ADAMTS6: variants seen among roughly 807,000 people sequenced by gnomAD.
ADAMTS6 encodes ADAM metallopeptidase with thrombospondin type 1 motif 6, also known as A disintegrin and metalloproteinase with thrombospondin motifs 6.
A neutral mutation model predicts 144.3 loss-of-function variants in ADAMTS6; 23 were observed. The ratio of observed to expected loss-of-function variants is 0.16; its 90% confidence interval spans 0.11 to 0.23. ADAMTS6 has a LOEUF of 0.23. Ranked by LOEUF, ADAMTS6 falls within the 10% of genes least tolerant of loss-of-function variation. ADAMTS6 has a pLI of 1.00. For missense variants in ADAMTS6, 999 were observed against 1,379.6 expected (o/e 0.72, Z 4.37); for synonymous variants, 444 against 457.5 (o/e 0.97, Z 0.38).
At chr5:65,344,988 C>T (rs1415578301) in intron 7 of ADAMTS6, among the ~76,000 whole-genome samples, 1 of 151,794 alleles carries the variant, frequency 6.6e-6, no homozygotes, top group East Asian at 1.9e-4. Context: ...ATTTTTCTTA[C>T]ATATCTCTCA....
chr5:65,212,101 G>C (rs976515858), intron 20 of ADAMTS6, among the ~76,000 whole-genome samples: 1 of 152,188 alleles, frequency 6.6e-6, no homozygotes, highest in Non-Finnish European at 1.5e-5. Flanking sequence ...CGCCCCACTC[G>C]AAGAGTTTCT....
chr5:65,191,094 G>A (rs1031608687), intron 21 of ADAMTS6, among the ~76,000 whole-genome samples: 2 of 152,090 alleles, frequency 1.3e-5, no homozygotes, highest in East Asian at 1.9e-4. Context: ...TTGCCGAATC[G>A]TTATAGCTGG....
intron 7 of ADAMTS6, among the ~76,000 whole-genome samples, chr5:65,412,896 T>C (rs528910234): frequency 6.6e-6 from 1 of 152,314 alleles, no homozygotes; most frequent in South Asian, 2.1e-4. Context: ...AAAATGTTAA[T>C]ATTACTTTAC....
chr5:65,330,895 T>A (rs1163030042), intron 8 of ADAMTS6, among the ~76,000 whole-genome samples: 1 of 152,046 alleles, frequency 6.6e-6, no homozygotes, highest in Non-Finnish European at 1.5e-5. Context: ...GCAGGATAAC[T>A]TATTTTTTTG....
intron 12 of ADAMTS6, among the ~76,000 whole-genome samples, chr5:65,271,367 T>C (rs1762038137): frequency 7.8e-6 from 1 of 127,406 alleles, no homozygotes; most frequent in Admixed American, 8.6e-5. Context: ...GACAGAGCTA[T>C]ACTCCGTCTA....
chr5:65,273,417 T>G lies in ADAMTS6; in HGVS notation c.1543A>C (p.Lys515Gln). Residue 515 changes from lysine to glutamine, a missense_variant, in exon 12 of 25, where the codon AAA becomes CAA. Physicochemically the swap from Lys to Gln is moderately conservative, Grantham distance 53 (BLOSUM62 1). Coordinates refer to ENST00000381055, the MANE Select transcript of ADAMTS6 (RefSeq NM_197941.4). ...EVCRELWCLS[K>Q]SNRCVTNSIP... The stretch of plus-strand genomic sequence containing the variant: ...CTGTTGGTGACACAGCGGTTGCTTT[T>G]GCTGAGACACCAGAGCTCTCTACAC... 1 of 1,613,946 alleles carries G rather than the reference T, an allele frequency of 6.2e-7. No individual in the cohort carries two copies. The highest frequency in any genetic ancestry group is 2.2e-5 in the East Asian group (1 of 44,872).
intron 9 of ADAMTS6, among the ~76,000 whole-genome samples, chr5:65,316,807 C>G (rs1393111077): frequency 7.3e-6 from 1 of 137,426 alleles, no homozygotes; most frequent in African/African-American, 2.5e-5. Flanking sequence ...ACATAATAAT[C>G]ATTTTTTTTT....
At chr5:65,452,086 T>C (rs780767190) in intron 6 of ADAMTS6, 47 bp downstream of exon 6, 2 of 1,369,672 alleles carry the variant, frequency 1.5e-6, no homozygotes, top group South Asian at 1.4e-5. Context: ...TATAGCTCTA[T>C]AGCCTTCTGT....
Position 65,243,395 on chromosome 5 carries a change from C to T in ADAMTS6, c.1831-1189G>A, listed in dbSNP as rs1759359159. Among the ~76,000 whole-genome samples, 3 of 152,198 alleles carry T rather than the reference C, an allele frequency of 2.0e-5. 1 individual carries two copies. In the South Asian group the frequency reaches 6.2e-4, roughly 32 times the overall value. Reference sequence around the variant, plus strand: ...GCAAATATTTGCATGGTCATCATTACTTCGTATATAATACGGTTCAATTTT... The same window carrying T: ...GCAAATATTTGCATGGTCATCATTATTTCGTATATAATACGGTTCAATTTT... On this transcript the variant is annotated intron_variant, in intron 14 of 24. Coordinates refer to ENST00000381055, the MANE Select transcript of ADAMTS6 (RefSeq NM_197941.4).
intron 7 of ADAMTS6, among the ~76,000 whole-genome samples, chr5:65,341,502 T>TA (rs1178652393): frequency 6.6e-6 from 1 of 150,696 alleles, no homozygotes; most frequent in Non-Finnish European, 1.5e-5. Context: ...ATCTCAGAAA[T>TA]AAAAAAAAGT....
At chr5:65,275,608 T>C (rs1762471345) in intron 11 of ADAMTS6, among the ~76,000 whole-genome samples, 1 of 151,876 alleles carries the variant, frequency 6.6e-6, no homozygotes, top group African/African-American at 2.4e-5. Context: ...TTACTCTTTT[T>C]CTATAGAAGA....
At chr5:65,430,735 T>C (rs1421556703) in intron 7 of ADAMTS6, among the ~76,000 whole-genome samples, 2 of 152,170 alleles carry the variant, frequency 1.3e-5, no homozygotes. Context: ...TTCAGACTCT[T>C]GTAGCAAATA....
At chr5:65,453,480 C>G (rs1309001255) in intron 4 of ADAMTS6, among the ~76,000 whole-genome samples, 7 of 152,224 alleles carry the variant, frequency 4.6e-5, no homozygotes, top group African/African-American at 1.7e-4. Context: ...CAGTCTACAA[C>G]TCTTTATTCT....
chr5:65,231,034 T>C (rs562240763), intron 15 of ADAMTS6, among the ~76,000 whole-genome samples: 15 of 151,144 alleles, frequency 9.9e-5, no homozygotes, highest in Admixed American at 4.6e-4. Context: ...TAAGTAATTA[T>C]TGAAAAATAA....
At chr5:65,250,213 T>C (rs1034062929) in intron 14 of ADAMTS6, among the ~76,000 whole-genome samples, 2 of 152,198 alleles carry the variant, frequency 1.3e-5, no homozygotes, top group Non-Finnish European at 2.9e-5. Flanking sequence ...TTCTTTTAAT[T>C]GTCAAACAAC....
intron 8 of ADAMTS6, among the ~76,000 whole-genome samples, chr5:65,331,502 C>G (rs906821775): frequency 6.6e-6 from 1 of 152,030 alleles, no homozygotes; most frequent in Non-Finnish European, 1.5e-5. Flanking sequence ...TAAATCTTAA[C>G]TAAAATGAAA....
chr5:65,427,846 AAAAATTATTT>A (rs1367439025), intron 7 of ADAMTS6, among the ~76,000 whole-genome samples: 1 of 152,172 alleles, frequency 6.6e-6, no homozygotes, highest in Non-Finnish European at 1.5e-5. Flanking sequence ...AGTATTTGAA[AAAAATTATTT>A]AATTTAAAGC....
intron 7 of ADAMTS6, among the ~76,000 whole-genome samples, chr5:65,340,681 A>T (rs1017641872): frequency 6.7e-5 from 10 of 148,238 alleles, no homozygotes; most frequent in Admixed American, 2.0e-4. Flanking sequence ...AAATAGATTT[A>T]AAAAAAAAAG....
chr5:65,379,791 C>T (rs116755872), intron 7 of ADAMTS6, among the ~76,000 whole-genome samples: 7,532 of 151,906 alleles, frequency 0.05, 652 homozygotes, highest in African/African-American at 0.17. Flanking sequence ...ATGTAAATAA[C>T]CTTGAAACAA....
Sources: gnomAD v4.1 joint callset for allele counts (sites outside exome capture counted in the v4.1 genomes callset) on GRCh38, gnomAD v4.1.1 for gene constraint, MANE v1.5 for transcripts, NCBI Gene and HGNC (gene_info 2026-07-23, HGNC 2026-07-21) for gene names.